GPC6: variants seen among roughly 807,000 people sequenced by gnomAD.
The protein encoded by GPC6 is glypican-6.
In GPC6, 14 loss-of-function variants were observed where a neutral mutation model predicts 55.2. The ratio of observed to expected loss-of-function variants is 0.25; its 90% CI spans 0.17 to 0.40. The LOEUF (loss-of-function observed/expected upper bound fraction) is 0.40. Among genes scored for constraint, GPC6 ranks in the 10% least tolerant of loss-of-function variants. The probability of loss-of-function intolerance (pLI) is 1.00; values close to 1 mark genes in which losing one functional copy is unlikely to be tolerated. For synonymous variants in GPC6, 278 were observed against 259.6 expected, an observed-to-expected ratio of 1.07 and a Z score of -0.68; for missense variants, 641 against 708.5, an observed-to-expected ratio of 0.90 and a Z score of 1.08.
At chr13:94,092,022 A>C (rs961501472) in intron 4 of GPC6, among the ~76,000 whole-genome samples, 1 of 149,580 alleles carries the variant, frequency 6.7e-6, no homozygotes, top group African/African-American at 2.5e-5. Context: ...GCGGTGTAAA[A>C]TGTGATATTT....
intron 4 of GPC6, among the ~76,000 whole-genome samples, chr13:94,064,776 C>T (rs75473771): frequency 6.6e-6 from 1 of 152,100 alleles, no homozygotes; most frequent in Non-Finnish European, 1.5e-5. Flanking sequence ...TTTATCTTCT[C>T]TTGCCTGAAT....
At chr13:94,329,314 A>G (rs1332270129) in intron 6 of GPC6, among the ~76,000 whole-genome samples, 1 of 152,132 alleles carries the variant, frequency 6.6e-6, no homozygotes, top group African/African-American at 2.4e-5. Flanking sequence ...GAATTTTCAC[A>G]TGAGTTCACA....
At chr13:94,331,296 T>C (rs1594176765) in intron 6 of GPC6, among the ~76,000 whole-genome samples, 1 of 152,158 alleles carries the variant, frequency 6.6e-6, no homozygotes. Flanking sequence ...TAGCAGCACT[T>C]AGTCATCTCG....
intron 2 of GPC6, among the ~76,000 whole-genome samples, chr13:93,588,367 AGTGT>A (rs71123497): frequency 0.045 from 6,745 of 150,418 alleles, 509 homozygotes; most frequent in African/African-American, 0.15. Context: ...GTGGCTATTA[AGTGT>A]GTGTGTGTGT....
intron 5 of GPC6, among the ~76,000 whole-genome samples, chr13:94,295,894 T>C (rs9524418): frequency 0.016 from 2,371 of 152,240 alleles, 32 homozygotes; most frequent in East Asian, 0.036. Context: ...AAATTCACAG[T>C]ATCTTCTCTA....
At position 93,432,852 on chromosome 13, in the gene GPC6, C is replaced by G. The variant is rs377537825; in HGVS notation, c.161-112411C>G. ...TGAGGGTGAGGACAGCAAAGACAAA[C>G]AGATCTTGGTGGAGTTTTTCTTTTG... On this transcript the variant is annotated intron_variant, in intron 1 of 8. Transcript: ENST00000377047. Among the ~76,000 whole-genome samples, 25 of 151,412 alleles carry G rather than the reference C, an allele frequency of 1.7e-4. No homozygotes were observed. In the South Asian group the frequency reaches 5.2e-3, roughly 32 times the overall value.
intron 4 of GPC6, among the ~76,000 whole-genome samples, chr13:94,086,422 G>C (rs1885283920): frequency 6.6e-6 from 1 of 151,906 alleles, no homozygotes; most frequent in Non-Finnish European, 1.5e-5. Context: ...CCCAGCCATA[G>C]CACCCCAAGG....
chr13:93,367,856 T>C (rs961064763), intron 1 of GPC6, among the ~76,000 whole-genome samples: 2 of 152,120 alleles, frequency 1.3e-5, no homozygotes, highest in African/African-American at 4.8e-5. Flanking sequence ...ACCCATAATA[T>C]AATCCATATT....
In GPC6 at chr13:93,676,152, TATATATATATATATATAC is replaced by T. The variant is rs1275720863; in HGVS notation, c.319+130735_319+130752del. ...ATATATATATATATATATATATATA[TATATATATATATATATAC>T]ATACACACACACACACACACATATA... On this transcript the variant is annotated intron_variant, in intron 2 of 8. Coordinates refer to ENST00000377047, the MANE Select transcript of GPC6 (RefSeq NM_005708.5). Among the ~76,000 whole-genome samples the T allele has an allele frequency of 3.6e-3, 62 of 17,192 alleles. 1 individual carries two copies. The highest frequency in any genetic ancestry group is 6.0e-3 in the Non-Finnish European group (15 of 2,504). The allele number at this position is 17,192 out of a possible 152,430, so 11.3% of individuals were successfully genotyped here.
chr13:94,332,326 A>T (rs1300630046), intron 6 of GPC6, among the ~76,000 whole-genome samples: 1 of 152,188 alleles, frequency 6.6e-6, no homozygotes, highest in Non-Finnish European at 1.5e-5. Flanking sequence ...ACCTAATCTT[A>T]TTCAAATGGT....
intron 2 of GPC6, among the ~76,000 whole-genome samples, chr13:93,782,393 G>C (rs2138909161): frequency 6.6e-6 from 1 of 152,178 alleles, no homozygotes; most frequent in South Asian, 2.1e-4. Flanking sequence ...AAGTGAACAT[G>C]GGTTGTGCGT....
At chr13:94,250,107 G>T (rs1386381396) in intron 4 of GPC6, among the ~76,000 whole-genome samples, 1 of 152,306 alleles carries the variant, frequency 6.6e-6, no homozygotes, top group Non-Finnish European at 1.5e-5. Context: ...ATTAAGCACT[G>T]TGGATGAACA....
intron 4 of GPC6, among the ~76,000 whole-genome samples, chr13:94,220,272 T>C (rs1224155416): frequency 6.6e-6 from 1 of 152,094 alleles, no homozygotes; most frequent in Non-Finnish European, 1.5e-5. Flanking sequence ...TTCCAAGTCC[T>C]CTTCATTCCA....
intron 6 of GPC6, among the ~76,000 whole-genome samples, chr13:94,330,100 C>T (rs1299913793): frequency 1.3e-5 from 2 of 152,180 alleles, no homozygotes; most frequent in Non-Finnish European, 2.9e-5. Flanking sequence ...CTCTGTGTTC[C>T]CTCGATCAGG....
chr13:94,280,862 A>G (rs770237784), intron 4 of GPC6, among the ~76,000 whole-genome samples: 1 of 152,162 alleles, frequency 6.6e-6, no homozygotes, highest in Non-Finnish European at 1.5e-5. Context: ...TTCATTTTTC[A>G]AAGAGTTGAT....
intron 1 of GPC6, among the ~76,000 whole-genome samples, chr13:93,457,206 T>C (rs961207358): frequency 2.0e-5 from 3 of 152,182 alleles, no homozygotes; most frequent in Admixed American, 6.5e-5. Flanking sequence ...CTAATACACT[T>C]CATATGGCCT....
chr13:93,997,609 A>ATGTGTGTGTGTGTGTG (rs1881617553), intron 3 of GPC6, among the ~76,000 whole-genome samples: 13 of 125,042 alleles, frequency 1.0e-4, no homozygotes, highest in Admixed American at 9.8e-4. Context: ...GTGTGTGTGC[A>ATGTGTGTGTGTGTGTG]TGCACGCTTG....
chr13:94,375,363 GA>G (rs1879796522), intron 6 of GPC6, among the ~76,000 whole-genome samples: 1 of 152,020 alleles, frequency 6.6e-6, no homozygotes, highest in Admixed American at 6.6e-5. Flanking sequence ...AAATAAGGGG[GA>G]TATCACCACC....
intron 1 of GPC6, among the ~76,000 whole-genome samples, chr13:93,524,696 C>T (rs1484180977): frequency 6.6e-6 from 1 of 152,036 alleles, no homozygotes; most frequent in Non-Finnish European, 1.5e-5. Flanking sequence ...AAAGATTCAT[C>T]GTTATGTTTG....
Sources: gnomAD v4.1 joint callset for allele counts (sites outside exome capture counted in the v4.1 genomes callset) on GRCh38, gnomAD v4.1.1 for gene constraint, MANE v1.5 for transcripts, NCBI Gene and HGNC (gene_info 2026-07-23, HGNC 2026-07-21) for gene names.